ULK4: variants seen among roughly 807,000 people sequenced by gnomAD.
The protein encoded by ULK4 is inactive serine/threonine-protein kinase ULK4.
A neutral mutation model predicts 160.6 loss-of-function variants in ULK4; 133 were observed. The observed-to-expected ratio is 0.83, with a 90% CI of 0.72 to 0.96. The LOEUF (loss-of-function observed/expected upper bound fraction) is 0.96, where lower values mean the gene tolerates loss of function less well. ULK4 is among the 40% of genes least tolerant of loss of function. ULK4 has a pLI of 0.00. For missense variants in ULK4, 1,580 were observed against 1,499.5 expected, an observed-to-expected ratio of 1.05 and a Z score of -0.89; for synonymous variants, 534 against 539.8, an observed-to-expected ratio of 0.99 and a Z score of 0.15.
chr3:41,938,191 G>C lies in ULK4; in HGVS notation c.145C>G (p.Leu49Val). ...KRPEITNWVR[L>V]TREIKHKNIV... ...TTCTTGTGTTTTATTTCACGGGTGAGACGGACCTATAAAAACACAGAGCAA... is the reference window on the plus strand; with the variant it reads ...TTCTTGTGTTTTATTTCACGGGTGACACGGACCTATAAAAACACAGAGCAA... Residue 49 changes from leucine (L) to valine (V), a missense_variant, in exon 3 of 37, where the codon CTC (leucine) becomes GTC (valine). By Grantham distance (32) the Leu-to-Val change is conservative. Transcript: ENST00000301831. 1 of 1,611,528 alleles carries C rather than the reference G, an allele frequency of 6.2e-7. No individual in the cohort carries two copies. Among genetic ancestry groups the C allele is most frequent in the Admixed American group, 1.7e-5 (1 of 59,628 alleles).
At position 41,535,557 on chromosome 3, in the gene ULK4, T is replaced by C. The variant is rs951136151; in HGVS notation, c.3226+30468A>G. ...ATGCAATAAATATATAAACCAATGATTGAGGCAGAATTGATCAAAAGCAAA... is the reference window on the plus strand; with the variant it reads ...ATGCAATAAATATATAAACCAATGACTGAGGCAGAATTGATCAAAAGCAAA... On this transcript the variant is annotated intron_variant, in intron 32 of 36. Transcript: ENST00000301831. Among the ~76,000 whole-genome samples, 5 of 152,184 alleles carry C rather than the reference T, an allele frequency of 3.3e-5. No homozygotes were observed. In the South Asian group the frequency reaches 8.3e-4, roughly 25 times the overall value.
At chr3:41,686,977 G>T (rs899257744) in intron 27 of ULK4, among the ~76,000 whole-genome samples, 1 of 152,104 alleles carries the variant, frequency 6.6e-6, no homozygotes, top group South Asian at 2.1e-4. Flanking sequence ...CAGCACTTTG[G>T]GAGTGTGAGG....
chr3:41,435,842 GA>G (rs759533335), intron 34 of ULK4, among the ~76,000 whole-genome samples: 9 of 152,268 alleles, frequency 5.9e-5, no homozygotes, highest in Middle Eastern at 3.4e-3. Flanking sequence ...AACTACTCAG[GA>G]GGCTGAGGCA....
chr3:41,671,380 T>A (rs1450133209), intron 29 of ULK4, among the ~76,000 whole-genome samples: 1 of 152,006 alleles, frequency 6.6e-6, no homozygotes. Context: ...ATGGTATTGG[T>A]ATAAAAACAG....
At chr3:41,542,822 T>C (rs183500686) in intron 32 of ULK4, among the ~76,000 whole-genome samples, 148 of 152,286 alleles carry the variant, frequency 9.7e-4, no homozygotes, top group African/African-American at 3.4e-3. Context: ...GTATTTCTAG[T>C]ATTCTCTGAT....
chr3:41,875,850 C>A (rs553348827), intron 17 of ULK4, among the ~76,000 whole-genome samples: 71 of 151,120 alleles, frequency 4.7e-4, no homozygotes, highest in Middle Eastern at 6.8e-3. Flanking sequence ...AGCTCTCTGG[C>A]AGCACTACTT....
chr3:41,537,822 A>C (rs989603596), intron 32 of ULK4, among the ~76,000 whole-genome samples: 12 of 152,154 alleles, frequency 7.9e-5, no homozygotes, highest in African/African-American at 2.7e-4. Flanking sequence ...CTGATCATAA[A>C]AGTAACAATA....
intron 33 of ULK4, 105 bp downstream of exon 33, chr3:41,462,982 T>C (rs1462350300): frequency 3.0e-6 from 4 of 1,348,464 alleles, no homozygotes; most frequent in African/African-American, 2.9e-5. Context: ...ATACATTCTT[T>C]TAAATAAGTA....
At chr3:41,873,138 C>G (rs1697165391) in intron 17 of ULK4, among the ~76,000 whole-genome samples, 1 of 151,952 alleles carries the variant, frequency 6.6e-6, no homozygotes, top group South Asian at 2.1e-4. Context: ...GCCGACAGGG[C>G]GAGACTCCAT....
intron 20 of ULK4, 98 bp downstream of exon 20, chr3:41,800,034 C>A: frequency 1.7e-6 from 2 of 1,155,632 alleles, no homozygotes; most frequent in Non-Finnish European, 2.3e-6. Context: ...TTTCAGTTTC[C>A]TATCTATTAA....
chr3:41,413,861 C>G (rs367819652), intron 34 of ULK4, among the ~76,000 whole-genome samples: 1 of 152,128 alleles, frequency 6.6e-6, no homozygotes, highest in African/African-American at 2.4e-5. Context: ...GAAAAAGGAG[C>G]GCCCAGATAC....
At chr3:41,953,304 A>ATATATATATTT (rs1181182812) in intron 2 of ULK4, among the ~76,000 whole-genome samples, 3 of 124,814 alleles carry the variant, frequency 2.4e-5, no homozygotes, top group African/African-American at 9.4e-5. Flanking sequence ...ATATATATAT[A>ATATATATATTT]TTTTTTTTTT....
In ULK4 at chr3:41,835,925, C is replaced by T. The variant is rs747846264; in HGVS notation, c.1703G>A (p.Ser568Asn). ...TELIRENFRN[S>N]KLKQCLLPTL... ...TGGTAAAAGGCACTGTTTTAATTTG[C>T]TGTTCCTGAAGTTTTCCCTAATTAA... The change falls in exon 18 of 37, where the codon AGC becomes AAC. Residue 568 changes from serine (S) to asparagine (N), a missense_variant. Transcript: ENST00000301831. 1.2e-6 allele frequency: 2 copies of T among 1,612,176 alleles called. No individual in the cohort carries two copies. Among genetic ancestry groups the T allele is most frequent in the South Asian group, 2.2e-5 (2 of 90,882 alleles).
intron 35 of ULK4, among the ~76,000 whole-genome samples, chr3:41,375,120 G>A (rs867583279): frequency 1.8e-4 from 28 of 152,048 alleles, no homozygotes; most frequent in African/African-American, 5.1e-4. Flanking sequence ...ACCACTGCTC[G>A]ACGAAATAAA....
At chr3:41,957,352 G>A (rs1700516501) in intron 1 of ULK4, among the ~76,000 whole-genome samples, 1 of 149,154 alleles carries the variant, frequency 6.7e-6, no homozygotes, top group Non-Finnish European at 1.5e-5. Context: ...TACTCGGGAG[G>A]CTGAAGGTAG....
At chr3:41,732,945 C>A (rs942486874) in intron 22 of ULK4, among the ~76,000 whole-genome samples, 2 of 151,986 alleles carry the variant, frequency 1.3e-5, no homozygotes, top group Non-Finnish European at 2.9e-5. Flanking sequence ...TAACCACATT[C>A]TGGGGAGGCT....
chr3:41,855,949 C>T (rs2042327400), intron 17 of ULK4, among the ~76,000 whole-genome samples: 1 of 152,088 alleles, frequency 6.6e-6, no homozygotes, highest in Non-Finnish European at 1.5e-5. Flanking sequence ...AAAATTAAGT[C>T]ATAGCAGCAA....
At chr3:41,818,711 G>A (rs2041047154) in intron 19 of ULK4, among the ~76,000 whole-genome samples, 1 of 152,214 alleles carries the variant, frequency 6.6e-6, no homozygotes, top group Admixed American at 6.5e-5. Context: ...TCAAAAGAAA[G>A]ATGTTTATCC....
chr3:41,575,150 G>A (rs1397084225), intron 31 of ULK4, among the ~76,000 whole-genome samples: 1 of 152,152 alleles, frequency 6.6e-6, no homozygotes, highest in African/African-American at 2.4e-5. Flanking sequence ...TGAGAAACAG[G>A]GAAGGGAACA....
Sources: allele counts gnomAD v4.1 joint callset (sites outside exome capture counted in the v4.1 genomes callset), GRCh38; gene constraint gnomAD v4.1.1; transcripts MANE v1.5; gene names NCBI Gene and HGNC (gene_info 2026-07-23, HGNC 2026-07-21).